The following SEMA3E variants were observed in gnomAD, a reference collection of about 807,000 sequenced individuals.
SEMA3E encodes the protein semaphorin-3E.
A neutral mutation model predicts 93.6 loss-of-function variants in SEMA3E; 49 were observed. That is an observed-to-expected ratio of 0.52 (90% CI 0.42 to 0.66). The LOEUF (loss-of-function observed/expected upper bound fraction) is 0.66, where lower values mean the gene tolerates loss of function less well. Ranked by LOEUF, SEMA3E falls within the 30% of genes least tolerant of loss-of-function variation. SEMA3E has a pLI of 0.00. For missense variants in SEMA3E, 906 were observed against 964.8 expected, an observed-to-expected ratio of 0.94 and a Z score of 0.81; for synonymous variants, 363 against 330.7, an observed-to-expected ratio of 1.10 and a Z score of -1.06.
In SEMA3E at chr7:83,548,631, C is replaced by G. The variant is rs147844601; in HGVS notation, c.116-58357G>C. Among the ~76,000 whole-genome samples, 778 of 152,070 alleles carry G rather than the reference C, an allele frequency of 5.1e-3. 7 individuals carry two copies. Among genetic ancestry groups the G allele is most frequent in the South Asian group, 0.045 (216 of 4,804 alleles). The stretch of plus-strand genomic sequence containing the variant: ...GGTCACCTCTGTTAATATTTGTAGT[C>G]CCAGGCTGCATAATCCCTTAAGAAG... On this transcript the variant is annotated intron_variant, in intron 1 of 16. Coordinates refer to ENST00000643230, the MANE Select transcript of SEMA3E (RefSeq NM_012431.3).
intron 1 of SEMA3E, among the ~76,000 whole-genome samples, chr7:83,596,775 G>A (rs1486429533): frequency 6.6e-6 from 1 of 152,036 alleles, no homozygotes; most frequent in East Asian, 1.9e-4. Context: ...CTGATCTCAT[G>A]ATGGCATCTT....
chr7:83,431,575 T>A lies in SEMA3E; in HGVS notation c.457-13092A>T, dbSNP rs186192968. ...CATGCCACCATGCCCGGCTAGTTTT[T>A]GTACTTGCAGTAGAGACGAGATTTT... On this transcript the variant is annotated intron_variant, in intron 4 of 16. Coordinates refer to ENST00000643230, the MANE Select transcript of SEMA3E (RefSeq NM_012431.3). Among the ~76,000 whole-genome samples the A allele has an allele frequency of 4.2e-3, 635 of 152,246 alleles. 6 individuals carry two copies. Among genetic ancestry groups the A allele is most frequent in the African/African-American group, 0.014 (570 of 41,548 alleles).
Position 83,408,483 on chromosome 7 carries a change from A to G in SEMA3E, c.555T>C (p.Ser185=), listed in dbSNP as rs758176634. ...SSSFISTLIG[S]ELFAGLYSDY... ...CACTGTAGAGTCCAGCAAACAATTC[A>G]CTACCTACACGGGAGCATCAGTAAA... Residue 185 remains serine (S), a synonymous_variant, in exon 6 of 17, where the codon AGT becomes AGC. Transcript: ENST00000643230. The G allele has an allele frequency of 6.2e-7, 1 of 1,613,624 alleles. No individual in the cohort carries two copies. Among genetic ancestry groups the G allele is most frequent in the Admixed American group, 1.7e-5 (1 of 59,894 alleles).
In SEMA3E at chr7:83,408,356, C is replaced by T. The variant is rs1383072223; in HGVS notation, c.670+12G>A. 2 of 1,613,458 alleles carry T rather than the reference C, an allele frequency of 1.2e-6. No individual in the cohort carries two copies. The highest frequency in any genetic ancestry group is 2.7e-5 in the African/African-American group (2 of 74,888). On this transcript the variant is annotated intron_variant, in intron 6 of 16. Coordinates refer to ENST00000643230, the MANE Select transcript of SEMA3E (RefSeq NM_012431.3). ...TCAATCCTAATTCACATACTCTTTT[C>T]CTCATCCTTACCTTTCAACAGACGC...
chr7:83,522,618 A>G (rs913592242), intron 1 of SEMA3E, among the ~76,000 whole-genome samples: 2 of 151,996 alleles, frequency 1.3e-5, no homozygotes, highest in East Asian at 3.9e-4. Context: ...TCATTTGCAC[A>G]CCTCATTTTA....
intron 1 of SEMA3E, among the ~76,000 whole-genome samples, chr7:83,491,994 T>C (rs528592371): frequency 2.6e-5 from 4 of 152,176 alleles, no homozygotes; most frequent in African/African-American, 9.6e-5. Context: ...TTTGTCTTTA[T>C]ACATAAGCAT....
intron 4 of SEMA3E, among the ~76,000 whole-genome samples, chr7:83,462,376 T>A (rs930242881): frequency 2.0e-5 from 3 of 152,170 alleles, no homozygotes; most frequent in Admixed American, 2.0e-4. Context: ...AATACTCTTT[T>A]AAGCACTCCT....
At chr7:83,431,055 A>T (rs1412020942) in intron 4 of SEMA3E, among the ~76,000 whole-genome samples, 1 of 147,736 alleles carries the variant, frequency 6.8e-6, no homozygotes, top group Non-Finnish European at 1.5e-5. Flanking sequence ...GGAACTCTGA[A>T]ATAAATTTTC....
chr7:83,387,462 T>C (rs1787904172), intron 14 of SEMA3E, among the ~76,000 whole-genome samples: 1 of 152,128 alleles, frequency 6.6e-6, no homozygotes, highest in African/African-American at 2.4e-5. Flanking sequence ...AAAACTCCCA[T>C]ATATAATAAA....
chr7:83,540,189 T>G (rs1791492333), intron 1 of SEMA3E, among the ~76,000 whole-genome samples: 1 of 152,218 alleles, frequency 6.6e-6, no homozygotes, highest in Admixed American at 6.5e-5. Context: ...GGCCTAATTT[T>G]ATTTTTGAAC....
intron 14 of SEMA3E, among the ~76,000 whole-genome samples, chr7:83,391,372 G>A (rs1298914864): frequency 1.3e-5 from 2 of 152,082 alleles, no homozygotes; most frequent in Non-Finnish European, 2.9e-5. Flanking sequence ...GGTTATGCTT[G>A]TTTCTTCATA....
At chr7:83,607,711 T>A (rs1384224352) in intron 1 of SEMA3E, among the ~76,000 whole-genome samples, 1 of 151,974 alleles carries the variant, frequency 6.6e-6, no homozygotes, top group Non-Finnish European at 1.5e-5. Flanking sequence ...TGAGTAAGGT[T>A]TAGAAGAGAA....
At chr7:83,628,105 G>T (rs1453332035) in intron 1 of SEMA3E, among the ~76,000 whole-genome samples, 1 of 152,066 alleles carries the variant, frequency 6.6e-6, no homozygotes, top group Non-Finnish European at 1.5e-5. Flanking sequence ...TGAAATTCTG[G>T]GTTGAAAGTT....
At chr7:83,427,117 T>A (rs1353452233) in intron 4 of SEMA3E, among the ~76,000 whole-genome samples, 1 of 152,192 alleles carries the variant, frequency 6.6e-6, no homozygotes, top group Non-Finnish European at 1.5e-5. Context: ...AACGTGAAGA[T>A]GCAACAAGGA....
At chr7:83,634,221 T>C (rs1267757617) in intron 1 of SEMA3E, among the ~76,000 whole-genome samples, 2 of 152,212 alleles carry the variant, frequency 1.3e-5, no homozygotes, top group African/African-American at 4.8e-5. Flanking sequence ...CCTTGAATTG[T>C]ATTTTATGTC....
intron 14 of SEMA3E, among the ~76,000 whole-genome samples, chr7:83,390,059 G>GTATA (rs1562758484): frequency 0.051 from 1,207 of 23,816 alleles, 6 homozygotes; most frequent in South Asian, 0.14. Context: ...GTATACGTGT[G>GTATA]CACATATATG....
At chr7:83,401,488 C>A (rs1788232012) in intron 10 of SEMA3E, among the ~76,000 whole-genome samples, 1 of 151,964 alleles carries the variant, frequency 6.6e-6, no homozygotes, top group Non-Finnish European at 1.5e-5. Flanking sequence ...GTTCCATAAC[C>A]AGTCGCTTCC....
At chr7:83,619,570 G>A (rs569479080) in intron 1 of SEMA3E, among the ~76,000 whole-genome samples, 37 of 151,794 alleles carry the variant, frequency 2.4e-4, no homozygotes, top group Non-Finnish European at 5.0e-4. Context: ...AAATGTTGGT[G>A]GTGTTCACTG....
intron 4 of SEMA3E, among the ~76,000 whole-genome samples, chr7:83,462,805 C>T (rs1336696600): frequency 2.1e-5 from 3 of 140,978 alleles, no homozygotes; most frequent in Admixed American, 1.4e-4. Context: ...AGGATCTGCA[C>T]CTTATCAACC....
Sources: gnomAD v4.1 joint callset for allele counts (sites outside exome capture counted in the v4.1 genomes callset) on GRCh38, gnomAD v4.1.1 for gene constraint, MANE v1.5 for transcripts, NCBI Gene and HGNC (gene_info 2026-07-23, HGNC 2026-07-21) for gene names.